PDE1A: variants seen among roughly 807,000 people sequenced by gnomAD.
PDE1A encodes the protein dual specificity calcium/calmodulin-dependent 3',5'-cyclic nucleotide phosphodiesterase 1A.
PDE1A carries 35 observed loss-of-function variants against 61.7 expected under a neutral mutation model. That is an observed-to-expected ratio of 0.57 (90% confidence interval 0.43 to 0.75). The LOEUF (loss-of-function observed/expected upper bound fraction) is 0.75. PDE1A is among the 30% of genes least tolerant of loss of function. PDE1A has a pLI of 0.00. For synonymous variants in PDE1A, 232 were observed against 213.2 expected, an observed-to-expected ratio of 1.09 and a Z score of -0.77; for missense variants, 597 against 630.6, an observed-to-expected ratio of 0.95 and a Z score of 0.57.
At chr2:182,408,074 G>A (rs1463062192) in intron 1 of PDE1A, among the ~76,000 whole-genome samples, 1 of 150,854 alleles carries the variant, frequency 6.6e-6, no homozygotes, top group Non-Finnish European at 1.5e-5. Context: ...ATAAAAAGGA[G>A]ACCAGGGAGA....
At chr2:182,463,913 A>G (rs550157466) in intron 2 of PDE1A, among the ~76,000 whole-genome samples, 15 of 152,312 alleles carry the variant, frequency 9.8e-5, no homozygotes, top group African/African-American at 3.4e-4. Context: ...GCCCATGGTA[A>G]CAGAATTATC....
chr2:182,540,241 G>T, the PDE1A span, among the ~76,000 whole-genome samples: 97,631 of 151,384 alleles, frequency 0.64, 34,666 homozygotes, highest in East Asian at 0.95. Context: ...GTGGGCCCCT[G>T]TAATCCCAGC....
chr2:182,146,640 A>G (rs912767186), downstream of PDE1A, among the ~76,000 whole-genome samples: 6 of 152,010 alleles, frequency 3.9e-5, no homozygotes, highest in African/African-American at 1.4e-4. Context: ...GCCTGCCACC[A>G]CACCCAGCTA....
At chr2:182,569,603 T>C in the PDE1A span, among the ~76,000 whole-genome samples, 2 of 152,198 alleles carry the variant, frequency 1.3e-5, no homozygotes, top group African/African-American at 4.8e-5. Flanking sequence ...TTTGTGCTTA[T>C]ATTTCACTGG....
At chr2:182,160,020 A>T (rs1432597916) in intron 13 of PDE1A, among the ~76,000 whole-genome samples, 1 of 152,200 alleles carries the variant, frequency 6.6e-6, no homozygotes, top group Non-Finnish European at 1.5e-5. Flanking sequence ...TGACTCATTT[A>T]ATCCTCCTAA....
the PDE1A span, among the ~76,000 whole-genome samples, chr2:182,600,048 G>C: frequency 6.6e-6 from 1 of 152,088 alleles, no homozygotes; most frequent in Non-Finnish European, 1.5e-5. Context: ...AAATCCTTAA[G>C]TAAAAATTTT....
At chr2:182,637,380 G>A in the PDE1A span, among the ~76,000 whole-genome samples, 1 of 152,188 alleles carries the variant, frequency 6.6e-6, no homozygotes, top group East Asian at 1.9e-4. Flanking sequence ...GAAGAACCAA[G>A]TTGATTAGTG....
intron 1 of PDE1A, among the ~76,000 whole-genome samples, chr2:182,304,994 C>T (rs1398912252): frequency 6.6e-6 from 1 of 152,000 alleles, no homozygotes; most frequent in African/African-American, 2.4e-5. Context: ...CTCCATTGTC[C>T]CTCAGATGAA....
At chr2:182,522,119 T>G (rs1250892617) in intron 2 of PDE1A, among the ~76,000 whole-genome samples, 1 of 152,200 alleles carries the variant, frequency 6.6e-6, no homozygotes, top group Non-Finnish European at 1.5e-5. Context: ...AAATCATTCG[T>G]CTTTCAACAA....
intron 13 of PDE1A, among the ~76,000 whole-genome samples, chr2:182,182,846 T>G (rs1684885646): frequency 6.6e-6 from 1 of 152,108 alleles, no homozygotes; most frequent in Non-Finnish European, 1.5e-5. Flanking sequence ...CTCCATTGTG[T>G]ATTTATTTAA....
rs1411635419 is a variant in PDE1A, at chr2:182,241,910, C to T, written c.168-1618G>A. 4 of 1,531,726 alleles carry T rather than the reference C, an allele frequency of 2.6e-6. No individual in the cohort carries two copies. In the African/African-American group the frequency reaches 5.5e-5, roughly 21 times the overall value. 94.9% of individuals were successfully genotyped at this position (1,531,726 alleles called of 1,614,324 possible). On this transcript the variant is annotated intron_variant, in intron 2 of 13. Transcript: ENST00000351439. ...GCAAAATAGTTTGTTTATCTTTTTG[C>T]CCATTTGAAATTAGATTCCCTAGCC...
At chr2:182,172,801 T>G (rs1467209742) in intron 13 of PDE1A, among the ~76,000 whole-genome samples, 1 of 151,920 alleles carries the variant, frequency 6.6e-6, no homozygotes, top group African/African-American at 2.4e-5. Flanking sequence ...AGGAAGAGCA[T>G]TCTATGAGGA....
At chr2:182,690,800 T>C in the PDE1A span, among the ~76,000 whole-genome samples, 2 of 152,140 alleles carry the variant, frequency 1.3e-5, no homozygotes, top group Non-Finnish European at 2.9e-5. Context: ...CAGCCCAAAA[T>C]CTCTTTAAGC....
intron 1 of PDE1A, among the ~76,000 whole-genome samples, chr2:182,272,022 G>A (rs182572940): frequency 1.3e-5 from 2 of 152,204 alleles, no homozygotes; most frequent in Admixed American, 1.3e-4. Flanking sequence ...AACAGAAGGG[G>A]TAGAGGAAAA....
the PDE1A span, among the ~76,000 whole-genome samples, chr2:182,681,156 T>TG: frequency 4.4e-4 from 67 of 151,610 alleles, no homozygotes; most frequent in African/African-American, 1.5e-3. Flanking sequence ...CTGTTTTTTT[T>TG]GTTTTTTTTT....
chr2:182,609,161 C>G, the PDE1A span, among the ~76,000 whole-genome samples: 12 of 152,112 alleles, frequency 7.9e-5, no homozygotes, highest in African/African-American at 2.7e-4. Flanking sequence ...ATACACCAAT[C>G]GACACTCTGT....
the PDE1A span, among the ~76,000 whole-genome samples, chr2:182,565,932 C>T: frequency 6.6e-6 from 1 of 152,000 alleles, no homozygotes; most frequent in Non-Finnish European, 1.5e-5. Flanking sequence ...CTTTCATTTG[C>T]TAATATTACT....
At chr2:182,455,703 A>C (rs1685866808) in intron 2 of PDE1A, among the ~76,000 whole-genome samples, 2 of 152,144 alleles carry the variant, frequency 1.3e-5, no homozygotes, top group African/African-American at 4.8e-5. Context: ...TGGGAATTGA[A>C]CAATGAGAAT....
the PDE1A span, among the ~76,000 whole-genome samples, chr2:182,592,196 A>G: frequency 2.6e-5 from 4 of 152,252 alleles, no homozygotes; most frequent in Admixed American, 1.3e-4. Flanking sequence ...AAAAAGTGAT[A>G]AAGCTGATAG....
Sources: gnomAD v4.1 joint callset for allele counts (sites outside exome capture counted in the v4.1 genomes callset) on GRCh38, gnomAD v4.1.1 for gene constraint, MANE v1.5 for transcripts, NCBI Gene and HGNC (gene_info 2026-07-23, HGNC 2026-07-21) for gene names.